ANKRD12: variants seen among roughly 807,000 people sequenced by gnomAD.
ANKRD12 encodes ankyrin repeat domain 12, also known as ankyrin repeat domain-containing protein 12.
In ANKRD12, 85 loss-of-function variants were observed where a neutral mutation model predicts 183.4. The observed-to-expected ratio is 0.46, with a 90% CI of 0.39 to 0.56. The LOEUF is 0.56. ANKRD12 is among the 20% of genes least tolerant of loss of function. The pLI, the probability that ANKRD12 is intolerant of heterozygous loss-of-function variation, is 0.00. For missense variants in ANKRD12, 2,405 were observed against 2,357.1 expected (o/e 1.02, Z -0.42); for synonymous variants, 914 against 800.2 (o/e 1.14, Z -2.40).
intron 1 of ANKRD12, 74 bp from the exon 2 acceptor site, chr18:9,182,308 C>A: frequency 3.3e-6 from 1 of 302,874 alleles, no homozygotes. Context: ...AGAGAGAAAA[C>A]AAATTGGACT....
At position 9,256,395 on chromosome 18, in the gene ANKRD12, T is replaced by C. The variant is rs2038628243; in HGVS notation, c.3128T>C (p.Leu1043Pro). 1.2e-6 allele frequency: 2 copies of C among 1,609,762 alleles called. No homozygotes were observed. The highest frequency in any genetic ancestry group is 8.5e-7 in the Non-Finnish European group (1 of 1,178,854). Residue 1043 changes from leucine to proline, a missense_variant, in exon 9 of 13, where the codon CTC becomes CCC. Leu to Pro is a moderately conservative substitution (Grantham distance 98, BLOSUM62 -3). This residue lies in a region of ANKRD12 where 1,983 missense variants were observed against 1,725.9 expected (regional missense o/e 1.15). Coordinates refer to ENST00000262126, the MANE Select transcript of ANKRD12 (RefSeq NM_015208.5). ...HKDKIQINSL[L>P]KLKSEADKPK... ...GATAAAATTCAAATAAATAGCTTAC[T>C]CAAACTAAAATCTGAAGCAGATAAG...
intron 1 of ANKRD12, among the ~76,000 whole-genome samples, chr18:9,145,606 GTTT>G (rs985271898): frequency 3.3e-4 from 50 of 152,248 alleles, no homozygotes; most frequent in African/African-American, 1.1e-3. Context: ...GTTAGCATAT[GTTT>G]ATTGAATGAA....
chr18:9,225,516 A>G (rs1480625151), intron 8 of ANKRD12, among the ~76,000 whole-genome samples: 1 of 152,100 alleles, frequency 6.6e-6, no homozygotes, highest in Non-Finnish European at 1.5e-5. Flanking sequence ...ATTTGAGATA[A>G]CATACGTATT....
intron 3 of ANKRD12, among the ~76,000 whole-genome samples, chr18:9,199,391 A>G (rs2035036014): frequency 6.6e-6 from 1 of 152,230 alleles, no homozygotes; most frequent in Non-Finnish European, 1.5e-5. Context: ...GTGTGTATAT[A>G]CGTGCACACA....
intron 4 of ANKRD12, among the ~76,000 whole-genome samples, chr18:9,207,459 T>G (rs2035550035): frequency 6.6e-6 from 1 of 152,202 alleles, no homozygotes; most frequent in Non-Finnish European, 1.5e-5. Flanking sequence ...GGAGCTCTGA[T>G]TTTTCTCAGC....
chr18:9,262,787 CTTTTTTTTT>C (rs71168048), intron 9 of ANKRD12, among the ~76,000 whole-genome samples: 7 of 83,774 alleles, frequency 8.4e-5, no homozygotes, highest in African/African-American at 4.0e-4. Context: ...CAAGATGTCC[CTTTTTTTTT>C]TTTTTTTTTT....
chr18:9,162,737 G>A (rs995651233), intron 1 of ANKRD12, among the ~76,000 whole-genome samples: 7 of 151,868 alleles, frequency 4.6e-5, no homozygotes, highest in Admixed American at 3.3e-4. Flanking sequence ...TTTAATAATC[G>A]CCATTCTGAC....
At chr18:9,143,478 T>G (rs1290762919) in intron 1 of ANKRD12, among the ~76,000 whole-genome samples, 2 of 152,200 alleles carry the variant, frequency 1.3e-5, no homozygotes, top group African/African-American at 4.8e-5. Context: ...GTTTTGTTTT[T>G]AAGACGGAGT....
At position 9,220,989 on chromosome 18, in the gene ANKRD12, T is replaced by C. The variant is rs572473542; in HGVS notation, c.796-863T>C. Among the ~76,000 whole-genome samples, 4 of 152,184 alleles carry C rather than the reference T, an allele frequency of 2.6e-5. No individual in the cohort carries two copies. The East Asian group carries it at 7.7e-4, about 29-fold the overall frequency. On this transcript the variant is annotated intron_variant, in intron 7 of 12. Coordinates refer to ENST00000262126, the MANE Select transcript of ANKRD12 (RefSeq NM_015208.5). ...CAAGGGCAGATGTCTTTTCAGGAGA[T>C]GGACAGTGAAGAAGAAAGGTTAGCT...
chr18:9,187,496 T>C (rs2034166752), intron 2 of ANKRD12, among the ~76,000 whole-genome samples: 1 of 152,188 alleles, frequency 6.6e-6, no homozygotes, highest in Admixed American at 6.5e-5. Flanking sequence ...TGTTATGAGG[T>C]CCTAAATTAA....
In ANKRD12 at chr18:9,263,955, C is replaced by T. The variant is rs920732919; in HGVS notation, c.5763+67C>T. ...GTTTCTAGCAATAAATTAAAATGGC[C>T]TATAATTTTTTATTAGTGGATTTTT... On this transcript the variant is annotated intron_variant, in intron 10 of 12. Coordinates refer to ENST00000262126, the MANE Select transcript of ANKRD12 (RefSeq NM_015208.5). 9.4e-6 allele frequency: 11 copies of T among 1,170,576 alleles called. No individual in the cohort carries two copies. In the Admixed American group the frequency reaches 1.5e-4, roughly 16 times the overall value. The allele number at this position is 1,170,576 out of a possible 1,614,324, so 72.5% of individuals were successfully genotyped here. A position where few individuals can be genotyped will look rare whatever the true frequency, so the allele number is the denominator to read the frequency against.
intron 1 of ANKRD12, among the ~76,000 whole-genome samples, chr18:9,169,517 C>T (rs182618833): frequency 3.3e-5 from 5 of 151,836 alleles, no homozygotes; most frequent in African/African-American, 7.3e-5. Flanking sequence ...CTGTTTTATC[C>T]GAGACTAGGA....
At chr18:9,182,198 T>G (rs1314881320) in intron 1 of ANKRD12, among the ~76,000 whole-genome samples, 184 bp from the exon 2 acceptor site, 1 of 152,190 alleles carries the variant, frequency 6.6e-6, no homozygotes, top group East Asian at 1.9e-4. Flanking sequence ...TTTATTAAAG[T>G]AATTCTCTTT....
At chr18:9,177,793 A>G (rs1169220883) in intron 1 of ANKRD12, among the ~76,000 whole-genome samples, 2 of 152,064 alleles carry the variant, frequency 1.3e-5, no homozygotes, top group African/African-American at 4.8e-5. Context: ...CGTGAGATCA[A>G]CTTTTTTTAG....
chr18:9,154,714 C>G (rs117433374), intron 1 of ANKRD12, among the ~76,000 whole-genome samples: 1 of 152,150 alleles, frequency 6.6e-6, no homozygotes, highest in Non-Finnish European at 1.5e-5. Context: ...AGGATGGTAG[C>G]AAGTGAGATG....
Position 9,257,094 on chromosome 18 carries a change from C to T in ANKRD12, c.3827C>T (p.Pro1276Leu), listed in dbSNP as rs1325996857. Residue 1276 changes from proline to leucine, a missense_variant, in exon 9 of 13, where the codon CCA becomes CTA. Physicochemically the swap from Pro to Leu is moderately conservative, Grantham distance 98 (BLOSUM62 -3). This residue lies in a region of ANKRD12 where 1,983 missense variants were observed against 1,725.9 expected (regional missense o/e 1.15). Transcript: ENST00000262126. ...LADLPERIKPPYANRLSTSHL... is the reference protein window; with the variant it reads ...LADLPERIKPLYANRLSTSHL... ...GACTTGCCGGAGCGGATTAAACCAC[C>T]ATATGCAAACAGACTTTCAACATCC... The T allele has an allele frequency of 8.1e-6, 13 of 1,614,012 alleles. No individual in the cohort carries two copies. Among genetic ancestry groups the T allele is most frequent in the Non-Finnish European group, 1.1e-5 (13 of 1,180,020 alleles).
chr18:9,161,939 T>G (rs2031484382), intron 1 of ANKRD12, among the ~76,000 whole-genome samples: 1 of 152,100 alleles, frequency 6.6e-6, no homozygotes, highest in South Asian at 2.1e-4. Context: ...CATAGCTCAC[T>G]GCAGCTTTAA....
At chr18:9,278,871 G>C (rs955092282) in intron 11 of ANKRD12, among the ~76,000 whole-genome samples, 2 of 152,116 alleles carry the variant, frequency 1.3e-5, no homozygotes, top group Non-Finnish European at 2.9e-5. Context: ...AATGGAGTGA[G>C]TGCTGCATTG....
At chr18:9,272,252 A>T (rs967674568) in intron 10 of ANKRD12, among the ~76,000 whole-genome samples, 134 of 152,286 alleles carry the variant, frequency 8.8e-4, no homozygotes, top group Non-Finnish European at 1.6e-3. Context: ...TAGGGGAGAG[A>T]GGCTCTGACT....
Sources: gnomAD v4.1 joint callset for allele counts (sites outside exome capture counted in the v4.1 genomes callset) on GRCh38, gnomAD v4.1.1 for gene constraint, gnomAD v4.1.1 regional missense constraint, MANE v1.5 for transcripts, NCBI Gene and HGNC (gene_info 2026-07-23, HGNC 2026-07-21) for gene names.